PSMG2: variants seen among roughly 807,000 people sequenced by gnomAD.
The protein encoded by PSMG2 is proteasome assembly chaperone 2, also known as CD40 ligand-activated specific transcript 3.
A neutral mutation model predicts 31.5 loss-of-function variants in PSMG2; 21 were observed. The ratio of observed to expected loss-of-function variants is 0.67; its 90% CI spans 0.47 to 0.96. The LOEUF (loss-of-function observed/expected upper bound fraction) is 0.96. PSMG2 is among the 40% of genes least tolerant of loss of function. PSMG2 has a pLI of 0.00. For synonymous variants in PSMG2, 120 were observed against 110.4 expected, an observed-to-expected ratio of 1.09 and a Z score of -0.54; for missense variants, 318 against 321.2, an observed-to-expected ratio of 0.99 and a Z score of 0.08.
chr18:12,686,954 C>G (rs2039561151), intron 1 of PSMG2, among the ~76,000 whole-genome samples: 1 of 152,072 alleles, frequency 6.6e-6, no homozygotes, highest in South Asian at 2.1e-4. Flanking sequence ...ATTTGTTAAC[C>G]AAGTCAATTG....
chr18:12,694,663 G>A (rs1030558602), intron 1 of PSMG2, among the ~76,000 whole-genome samples: 1 of 152,138 alleles, frequency 6.6e-6, no homozygotes, highest in African/African-American at 2.4e-5. Context: ...ATCCCACTGA[G>A]GTTGCACTTT....
chr18:12,668,613 A>T (rs1391433880), intron 1 of PSMG2, among the ~76,000 whole-genome samples: 1 of 59,972 alleles, frequency 1.7e-5, no homozygotes, highest in African/African-American at 5.4e-5. Flanking sequence ...AAAAAAAAAA[A>T]AAAAAAAAAA....
intron 1 of PSMG2, among the ~76,000 whole-genome samples, chr18:12,674,169 G>C (rs2039034331): frequency 6.6e-6 from 1 of 152,012 alleles, no homozygotes; most frequent in African/African-American, 2.4e-5. Flanking sequence ...GGGTGCAACG[G>C]CTCACACCTG....
intron 1 of PSMG2, chr18:12,677,995 T>C: frequency 1.4e-6 from 1 of 722,656 alleles, no homozygotes; most frequent in Non-Finnish European, 2.3e-6. Flanking sequence ...GTAGGGACTG[T>C]AGTTGTTTTG....
chr18:12,670,093 GC>G (rs1340741632), intron 1 of PSMG2, among the ~76,000 whole-genome samples: 1 of 152,202 alleles, frequency 6.6e-6, no homozygotes, highest in Non-Finnish European at 1.5e-5. Flanking sequence ...ACTTGGGGAG[GC>G]CAAGGCAGGT....
chr18:12,692,720 C>T (rs1190010281), intron 1 of PSMG2, among the ~76,000 whole-genome samples: 1 of 152,218 alleles, frequency 6.6e-6, no homozygotes, highest in African/African-American at 2.4e-5. Context: ...TCCTTGAGAG[C>T]AAGCTGTCTA....
chr18:12,720,947 C>T (rs1423352301), intron 5 of PSMG2, among the ~76,000 whole-genome samples: 1 of 152,074 alleles, frequency 6.6e-6, no homozygotes, highest in Non-Finnish European at 1.5e-5. Flanking sequence ...AGGCGGATCA[C>T]GAGGTCAGAT....
At chr18:12,674,839 T>A in intron 1 of PSMG2, 1 of 723,356 alleles carries the variant, frequency 1.4e-6, no homozygotes, top group Non-Finnish European at 2.2e-6. Flanking sequence ...TATTTTAATG[T>A]ATACCAAGAA....
intron 3 of PSMG2, among the ~76,000 whole-genome samples, chr18:12,716,899 G>A (rs1161996554): frequency 1.3e-5 from 2 of 150,962 alleles, no homozygotes; most frequent in Non-Finnish European, 2.9e-5. Context: ...GGCAGGACCA[G>A]CACTCTAACC....
intron 1 of PSMG2, among the ~76,000 whole-genome samples, chr18:12,671,418 CAG>C (rs2038938983): frequency 6.6e-6 from 1 of 151,908 alleles, no homozygotes; most frequent in African/African-American, 2.4e-5. Context: ...CTACACATAT[CAG>C]AGTGAACAAA....
chr18:12,708,723 G>C (rs1001743409), intron 2 of PSMG2, among the ~76,000 whole-genome samples: 2 of 21,500 alleles, frequency 9.3e-5, no homozygotes, highest in African/African-American at 3.6e-4. Flanking sequence ...TTTTTTTTTT[G>C]AGACAGAGTT....
intron 3 of PSMG2, among the ~76,000 whole-genome samples, chr18:12,716,543 A>G (rs1272065037): frequency 6.6e-6 from 1 of 151,610 alleles, no homozygotes; most frequent in Non-Finnish European, 1.5e-5. Flanking sequence ...ACAGGCGCCC[A>G]CCATCACGCC....
chr18:12,699,776 C>G (rs185945751), upstream of PSMG2: 2 of 998,990 alleles, frequency 2.0e-6, no homozygotes, highest in Admixed American at 5.3e-5. Flanking sequence ...AAAGACTACA[C>G]CACATCAATA....
chr18:12,708,403 T>C (rs1327509806), intron 2 of PSMG2, among the ~76,000 whole-genome samples: 1 of 152,152 alleles, frequency 6.6e-6, no homozygotes, highest in African/African-American at 2.4e-5. Context: ...TTGCTCTTGT[T>C]GCCCGGGCTG....
At chr18:12,684,931 AAAC>A (rs2039486433) in intron 1 of PSMG2, 1 of 152,214 alleles carries the variant, frequency 6.6e-6, no homozygotes, top group South Asian at 2.1e-4. Context: ...AATACAAACT[AAAC>A]AAACTAAATA....
intron 1 of PSMG2, among the ~76,000 whole-genome samples, chr18:12,693,620 TA>T (rs1449063958): frequency 7.9e-5 from 12 of 151,958 alleles, no homozygotes; most frequent in African/African-American, 2.7e-4. Context: ...CTGTCTCTAT[TA>T]AAAATACAAA....
intron 1 of PSMG2, chr18:12,673,059 A>G (rs1004690726): frequency 2.0e-6 from 2 of 1,018,814 alleles, no homozygotes; most frequent in Non-Finnish European, 2.4e-6. Context: ...GTGTAAAGAA[A>G]ACTGAATGCA....
chr18:12,719,698 C>T (rs1218624932), intron 4 of PSMG2, among the ~76,000 whole-genome samples: 112 of 134,740 alleles, frequency 8.3e-4, no homozygotes, highest in Non-Finnish European at 1.3e-3. Flanking sequence ...CAGGATGTAG[C>T]TTTTTTTTTT....
At chr18:12,691,251 C>T (rs2039750753) in intron 1 of PSMG2, 2 of 699,084 alleles carry the variant, frequency 2.9e-6, no homozygotes, top group Admixed American at 3.5e-5. Context: ...TACAAATACA[C>T]TTTTATTTTT....
Sources: allele counts gnomAD v4.1 joint callset (sites outside exome capture counted in the v4.1 genomes callset), GRCh38; gene constraint gnomAD v4.1.1; transcripts MANE v1.5; gene names NCBI Gene and HGNC (gene_info 2026-07-23, HGNC 2026-07-21).